Variants in TRMT2B observed in about 807,000 individuals in gnomAD.
TRMT2B encodes tRNA methyltransferase 2B.
In TRMT2B, 34 loss-of-function variants were observed where a neutral mutation model predicts 39.7. That is an observed-to-expected ratio of 0.86 (90% CI 0.65 to 1.14). The LOEUF is 1.14. Ranked by LOEUF, TRMT2B falls within the 50% of genes most tolerant of loss-of-function variation. The pLI, the probability that TRMT2B is intolerant of heterozygous loss-of-function variation, is 0.00. For synonymous variants in TRMT2B, 132 were observed against 137.3 expected, an observed-to-expected ratio of 0.96 and a Z score of 0.27; for missense variants, 318 against 377.2, an observed-to-expected ratio of 0.84 and a Z score of 1.30.
At chrX:101,022,187 A>G (rs1602551471) in intron 8 of TRMT2B, 125 bp from the exon 9 acceptor site, 1 of 482,373 alleles carries the variant, frequency 2.1e-6, no homozygotes. Flanking sequence ...CTTATTATAA[A>G]TAACACTTAA....
chrX:101,051,084 C>CAAA (rs36049036), intron 2 of TRMT2B, among the ~76,000 whole-genome samples, 167 bp downstream of exon 2: 16 of 75,230 alleles, frequency 2.1e-4, no homozygotes, highest in Non-Finnish European at 2.6e-4. Flanking sequence ...TTTTCCTCAG[C>CAAA]AAAAAAAAAA....
chrX:100,987,561 T>C, the TRMT2B span: 2 of 1,206,795 alleles, frequency 1.7e-6, no homozygotes, highest in Non-Finnish European at 2.2e-6. Flanking sequence ...ACACAGGTAC[T>C]GAGATGCCGC....
Position 101,041,133 on chromosome X carries a change from G to A in TRMT2B, c.303+184C>T, listed in dbSNP as rs2088210199. Among the ~76,000 whole-genome samples the A allele has an allele frequency of 4.5e-5, 5 of 111,734 alleles. No homozygotes were observed. The South Asian group carries it at 1.5e-3, about 34-fold the overall frequency. ...GCAGGAGAATTGCTTGAACCTGGGA[G>A]GTGGAGGTTGTAGTGAGCCGAGACT... On this transcript the variant is annotated intron_variant, in intron 4 of 13. Transcript: ENST00000372936.
chrX:100,974,570 C>T, the TRMT2B span, among the ~76,000 whole-genome samples: 1 of 111,425 alleles, frequency 9.0e-6, no homozygotes, highest in African/African-American at 3.3e-5. Context: ...TGTCTAGTTT[C>T]AGGGCTCAAT....
At chrX:100,994,079 A>G in the TRMT2B span, among the ~76,000 whole-genome samples, 1 of 112,388 alleles carries the variant, frequency 8.9e-6, no homozygotes, top group Non-Finnish European at 1.9e-5. Flanking sequence ...ACTTTTCTGT[A>G]GAAAACAACC....
the TRMT2B span, chrX:100,986,047 AGCG>A: frequency 1.4e-5 from 11 of 797,067 alleles, no homozygotes; most frequent in South Asian, 3.2e-4. Context: ...AGTGAGGTAG[AGCG>A]GCCCAATTTT....
At chrX:100,976,632 G>A in the TRMT2B span, among the ~76,000 whole-genome samples, 2 of 112,137 alleles carry the variant, frequency 1.8e-5, no homozygotes, top group Non-Finnish European at 3.8e-5. Context: ...TGTTTTTTGA[G>A]ACGGAGTTTC....
intron 2 of TRMT2B, among the ~76,000 whole-genome samples, chrX:101,045,463 A>T (rs1439947513): frequency 2.8e-5 from 3 of 106,247 alleles, no homozygotes; most frequent in African/African-American, 1.0e-4. Context: ...TCGAAAAAAA[A>T]AAAAAAACAA....
Position 101,051,556 on chromosome X carries a change from A to G in TRMT2B, c.-329T>C. The G allele has an allele frequency of 2.7e-6, 2 of 754,183 alleles. No individual in the cohort carries two copies. Among genetic ancestry groups the G allele is most frequent in the African/African-American group, 2.3e-5 (1 of 43,689 alleles). The allele number at this position is 754,183 out of a possible 1,213,427, so 62.2% of individuals were successfully genotyped here. A position where few individuals can be genotyped will look rare whatever the true frequency, so the allele number is the denominator to read the frequency against. Reference sequence around the variant, plus strand: ...AGACACTAGGAAAGGCTACCACTAAACTTGGCCGGTCTGCAGGGCCCGGGA... The same window carrying G: ...AGACACTAGGAAAGGCTACCACTAAGCTTGGCCGGTCTGCAGGGCCCGGGA... On this transcript the variant is annotated 5_prime_UTR_variant, in exon 2 of 14. Transcript: ENST00000372936.
chrX:101,021,044 C>G (rs1053805426), intron 10 of TRMT2B, 57 bp downstream of exon 10: 18 of 1,110,422 alleles, frequency 1.6e-5, no homozygotes, highest in Non-Finnish European at 2.2e-5. Flanking sequence ...CCTCCGCAAG[C>G]TACAAGGGCC....
the TRMT2B span, among the ~76,000 whole-genome samples, chrX:100,982,470 A>AAAAAAAAT: frequency 6.6e-5 from 6 of 91,277 alleles, no homozygotes; most frequent in Non-Finnish European, 1.3e-4. Context: ...CCAGGCTTAA[A>AAAAAAAAT]AAATAAATAA....
At position 101,020,510 on chromosome X, in the gene TRMT2B, G is replaced by C. The variant is rs2086742237; in HGVS notation, c.1145C>G (p.Ala382Gly). The C allele has an allele frequency of 1.7e-6, 2 of 1,207,267 alleles. No individual in the cohort carries two copies. The highest frequency in any genetic ancestry group is 1.8e-5 in the African/African-American group (1 of 57,080). Reference sequence around the variant, plus strand: ...ACCATTGAAGGCTGCAGTCCATCTTGCATCCTCCACTGCCTGCTCCAACAA... The same window carrying C: ...ACCATTGAAGGCTGCAGTCCATCTTCCATCCTCCACTGCCTGCTCCAACAA... ...IELLEQAVED[A>G]RWTAAFNGIT... is the part of the protein sequence containing the mutation. Residue 382 changes from alanine to glycine, a missense_variant, in exon 11 of 14, where the codon GCA becomes GGA. By Grantham distance (60) the Ala-to-Gly change is moderately conservative. Transcript: ENST00000372936.
chrX:100,995,793 T>C, the TRMT2B span, among the ~76,000 whole-genome samples: 2 of 111,823 alleles, frequency 1.8e-5, no homozygotes, highest in East Asian at 5.6e-4. Flanking sequence ...GAAACCAGAA[T>C]GTGAAATAAT....
intron 7 of TRMT2B, among the ~76,000 whole-genome samples, chrX:101,025,954 G>C (rs1399279207): frequency 2.2e-5 from 2 of 92,634 alleles, no homozygotes; most frequent in Non-Finnish European, 4.2e-5. Context: ...CATCAAAAGA[G>C]AAAGAAAAGA....
At chrX:101,018,264 C>T (rs939175577) in intron 13 of TRMT2B, among the ~76,000 whole-genome samples, 3 of 109,852 alleles carry the variant, frequency 2.7e-5, no homozygotes, top group Non-Finnish European at 5.7e-5. Flanking sequence ...ATCTCATGAG[C>T]CCCAGGAGGT....
the TRMT2B span, among the ~76,000 whole-genome samples, chrX:101,003,348 CTTTT>C: frequency 1.8e-4 from 18 of 97,764 alleles, no homozygotes; most frequent in Non-Finnish European, 4.1e-5. Flanking sequence ...CATCCGATAG[CTTTT>C]TTTTTTTTTT....
At chrX:101,015,899 G>A (rs1469738049) in intron 13 of TRMT2B, among the ~76,000 whole-genome samples, 2 of 110,700 alleles carry the variant, frequency 1.8e-5, no homozygotes, top group African/African-American at 6.6e-5. Flanking sequence ...GTGAAACCCT[G>A]TCTCTACTAA....
chrX:101,051,089 A>AAAT (rs2089058515), intron 2 of TRMT2B, among the ~76,000 whole-genome samples, 162 bp downstream of exon 2: 1 of 109,934 alleles, frequency 9.1e-6, no homozygotes, highest in African/African-American at 3.3e-5. Context: ...CTCAGCAAAA[A>AAAT]AAAAAAAAAG....
At chrX:101,023,751 A>G (rs780359434) in intron 7 of TRMT2B, 135 bp from the exon 8 acceptor site, 64 of 546,505 alleles carry the variant, frequency 1.2e-4, no homozygotes, top group Non-Finnish European at 1.5e-4. Context: ...CCAGTACTCA[A>G]AATGTGTCTA....
Sources: allele counts gnomAD v4.1 joint callset (sites outside exome capture counted in the v4.1 genomes callset), GRCh38; gene constraint gnomAD v4.1.1; transcripts MANE v1.5; gene names NCBI Gene and HGNC (gene_info 2026-07-23, HGNC 2026-07-21).